Variants in CLCN7 observed in about 807,000 individuals in gnomAD.
CLCN7 encodes H(+)/Cl(-) exchange transporter 7.
In CLCN7, 60 loss-of-function variants were observed where a neutral mutation model predicts 102.1. The observed-to-expected ratio is 0.59, with a 90% CI of 0.48 to 0.73. CLCN7 has a LOEUF of 0.73. Ranked by LOEUF, CLCN7 falls within the 30% of genes least tolerant of loss-of-function variation. CLCN7 has a pLI of 0.00. For synonymous variants in CLCN7, 560 were observed against 490.5 expected (o/e 1.14, Z -1.87); for missense variants, 962 against 1,125.7 (o/e 0.85, Z 2.08).
intron 1 of CLCN7, chr16:1,471,996 G>C (rs2039085341): frequency 6.6e-6 from 1 of 152,620 alleles, no homozygotes; most frequent in South Asian, 2.1e-4. Flanking sequence ...CCTGCCTGAA[G>C]ATCTTGTGCT....
Position 1,448,741 on chromosome 16 carries a change from A to G in CLCN7, c.1823T>C (p.Leu608Pro), listed in dbSNP as rs752207159. ...CCAGTGCAGGAAGGGCACACTCTGC[A>G]GCTGAATGTGCATGTCGTACAGGCC... ...IEGLYDMHIQ[L>P]QSVPFLHWEA... The change falls in exon 20 of 25, where the codon CTG becomes CCG. Residue 608 changes from leucine (L) to proline (P), a missense_variant. Coordinates refer to ENST00000382745, the MANE Select transcript of CLCN7 (RefSeq NM_001287.6). The G allele has an allele frequency of 6.2e-7, 1 of 1,612,564 alleles. No homozygotes were observed. Among genetic ancestry groups the G allele is most frequent in the Non-Finnish European group, 8.5e-7 (1 of 1,179,946 alleles).
chr16:1,474,579 G>T (rs1003454514), intron 1 of CLCN7, among the ~76,000 whole-genome samples: 1 of 152,128 alleles, frequency 6.6e-6, no homozygotes, highest in Non-Finnish European at 1.5e-5. Context: ...CACATTCCGC[G>T]GGGTCTGGCG....
chr16:1,465,051 G>C (rs2038986145), intron 2 of CLCN7, among the ~76,000 whole-genome samples: 1 of 152,122 alleles, frequency 6.6e-6, no homozygotes, highest in East Asian at 1.9e-4. Context: ...GTCCTGACCG[G>C]CTTCCTGCGC....
In CLCN7 at chr16:1,459,390, G is replaced by A. The variant is rs79929432; in HGVS notation, c.595-203C>T. ...GGGCCCCAGGGAAGGGGAGAGCAGCGCACACGTCGGGGCCCCAGGGAAGGG... is the reference window on the plus strand; with the variant it reads ...GGGCCCCAGGGAAGGGGAGAGCAGCACACACGTCGGGGCCCCAGGGAAGGG... On this transcript the variant is annotated intron_variant, in intron 6 of 24. Transcript: ENST00000382745. The A allele has an allele frequency of 0.42, 154,434 of 366,564 alleles. 35,006 individuals are homozygous for A. Among genetic ancestry groups the A allele is most frequent in the Non-Finnish European group, 0.45 (94,461 of 208,398 alleles). The allele number at this position is 366,564 out of a possible 1,614,324, so 22.7% of individuals were successfully genotyped here.
intron 9 of CLCN7, among the ~76,000 whole-genome samples, chr16:1,456,482 G>A (rs930238058): frequency 6.6e-6 from 1 of 152,220 alleles, no homozygotes; most frequent in Non-Finnish European, 1.5e-5. Flanking sequence ...ACCCTCTAAC[G>A]AAAAGCGCAC....
At chr16:1,474,509 C>G (rs1485249698) in intron 1 of CLCN7, 2 of 320,236 alleles carry the variant, frequency 6.2e-6, no homozygotes, top group Admixed American at 5.0e-5. Context: ...TAGGGCCAGT[C>G]TGGGGGACAC....
intron 15 of CLCN7, 120 bp downstream of exon 15, chr16:1,452,635 C>T: frequency 9.4e-7 from 1 of 1,059,344 alleles, no homozygotes; most frequent in Non-Finnish European, 1.4e-6. Flanking sequence ...ACACGCCAGC[C>T]CATGCGCTTC....
Position 1,446,688 on chromosome 16 carries a change from G to T in CLCN7, c.2361C>A (p.Leu787=). The T allele has an allele frequency of 6.3e-7, 1 of 1,590,738 alleles. No homozygotes were observed. Among genetic ancestry groups the T allele is most frequent in the East Asian group, 2.3e-5 (1 of 43,440 alleles). Residue 787 remains leucine, a synonymous_variant, in exon 25 of 25, where the codon CTC becomes CTA. Coordinates refer to ENST00000382745, the MANE Select transcript of CLCN7 (RefSeq NM_001287.6). The part of the protein sequence containing the change: ...QVVGLVTRKD[L]ARYRLGKRGL... ...CTCTCTTTCCCAGGCGGTACCTGGC[G>T]AGGTCCTTCCTGGTCACCAACCCGA...
At position 1,455,197 on chromosome 16, in the gene CLCN7, G is replaced by C; in HGVS notation, c.1035C>G (p.Tyr345Ter). ...TFTLNFVLSI[Y>*]HGNMWDLSSP... ...TGGACAGGTCCCACATGTTCCCGTG[G>C]TAAATGCTCAGAACAAAATTCAGGG... is the stretch of plus-strand genomic sequence containing the variant. The change falls in exon 12 of 25, where the codon TAC becomes TAG. Residue 345 changes from tyrosine (Y) to a stop codon, truncating the protein, a stop_gained. Coordinates refer to ENST00000382745, the MANE Select transcript of CLCN7 (RefSeq NM_001287.6). LOFTEE classifies it high-confidence loss of function. The C allele has an allele frequency of 6.2e-7, 1 of 1,613,972 alleles. No homozygotes were observed. The highest frequency in any genetic ancestry group is 8.5e-7 in the Non-Finnish European group (1 of 1,179,932).
chr16:1,448,442 C>T lies in CLCN7; in HGVS notation c.1926G>A (p.Glu642=), dbSNP rs1428861859. ...GCACGTCCACAATGACGCCGACCTT[C>T]TCACGCCGCCTCAGGCAGGTCACTG... ...STPVTCLRRR[E]KVGVIVDVLS... Residue 642 remains glutamate (E), a synonymous_variant, in exon 21 of 25, where the codon GAG becomes GAA. Transcript: ENST00000382745. The T allele has an allele frequency of 3.1e-6, 5 of 1,611,934 alleles. No homozygotes were observed. The highest frequency in any genetic ancestry group is 4.2e-6 in the Non-Finnish European group (5 of 1,179,956).
Position 1,454,448 on chromosome 16 carries a change from G to A in CLCN7, c.1116C>T (p.Ile372=), listed in dbSNP as rs760666607. 2 of 1,613,722 alleles carry A rather than the reference G, an allele frequency of 1.2e-6. No individual in the cohort carries two copies. The highest frequency in any genetic ancestry group is 8.5e-7 in the Non-Finnish European group (1 of 1,179,998). ...RFDSEKMAYT[I]HEIPVFIAMG... Reference sequence around the variant, plus strand: ...TGGCGATGAAGACCGGGATCTCGTGGATCGTGTAGGCCATTTTCTGTGCAG... The same window carrying A: ...TGGCGATGAAGACCGGGATCTCGTGAATCGTGTAGGCCATTTTCTGTGCAG... The change falls in exon 13 of 25, where the codon ATC becomes ATT. Residue 372 remains isoleucine (I), a synonymous_variant. Transcript: ENST00000382745.
At chr16:1,460,554 G>T in intron 5 of CLCN7, 27 bp from the exon 6 acceptor site, 1 of 1,573,696 alleles carries the variant, frequency 6.4e-7, no homozygotes, top group South Asian at 1.1e-5. Context: ...AGGGCTGGCT[G>T]CTTCCCCGTC....
rs114599498 is a variant in CLCN7, at chr16:1,460,780, C to G, written c.484+36G>C. The G allele has an allele frequency of 1.5e-3, 2,353 of 1,613,636 alleles. 32 individuals carry two copies. In the African/African-American group the frequency reaches 0.026, roughly 18 times the overall value. ...CGGGACTCGGCCCAGGCCACGCCCC[C>G]CTCCCAAGCTGCAGCGGCCGCACTG... On this transcript the variant is annotated intron_variant, in intron 5 of 24. Coordinates refer to ENST00000382745, the MANE Select transcript of CLCN7 (RefSeq NM_001287.6).
At position 1,459,819 on chromosome 16, in the gene CLCN7, G is replaced by A. The variant is rs565038805; in HGVS notation, c.594+599C>T. ...GGAAGGGGAGAGCGGCACACACGTC[G>A]GGGCCTCAGGGAAGGGGAGCTCAGC... On this transcript the variant is annotated intron_variant, in intron 6 of 24. Coordinates refer to ENST00000382745, the MANE Select transcript of CLCN7 (RefSeq NM_001287.6). Among the ~76,000 whole-genome samples the A allele has an allele frequency of 1.1e-4, 13 of 114,654 alleles. No homozygotes were observed. In the East Asian group the frequency reaches 2.9e-3, roughly 25 times the overall value. The allele number at this position is 114,654 out of a possible 152,430, so 75.2% of individuals were successfully genotyped here.
Position 1,457,838 on chromosome 16 carries a change from C to G in CLCN7, c.676-82G>C. 1.4e-6 allele frequency: 2 copies of G among 1,393,764 alleles called. No individual in the cohort carries two copies. The highest frequency in any genetic ancestry group is 4.6e-5 in the East Asian group (2 of 43,410). The allele number at this position is 1,393,764 out of a possible 1,614,324, so 86.3% of individuals were successfully genotyped here. On this transcript the variant is annotated intron_variant, in intron 7 of 24. Coordinates refer to ENST00000382745, the MANE Select transcript of CLCN7 (RefSeq NM_001287.6). This position sits in a 1 kb window ranked among gnomAD's most constrained non-coding sequence, Gnocchi z 5.4. ...CTGAGCCGTAAAACAGCACACACAG[C>G]CCCGATCAGGCAGAGTGGCTGGGAC...
Position 1,446,389 on chromosome 16 carries a change from A to G in CLCN7, c.*242T>C. 1 of 702,346 alleles carries G rather than the reference A, an allele frequency of 1.4e-6. No homozygotes were observed. Among genetic ancestry groups the G allele is most frequent in the East Asian group, 2.7e-5 (1 of 37,290 alleles). The allele number at this position is 702,346 out of a possible 1,614,324, so 43.5% of individuals were successfully genotyped here. ...GATCCCTGGAGGTAAAGAAACCTAG[A>G]CGAGGAGAGTGGAGGCTGGGCCTGC... On this transcript the variant is annotated 3_prime_UTR_variant, in exon 25 of 25. Transcript: ENST00000382745.
intron 21 of CLCN7, among the ~76,000 whole-genome samples, chr16:1,448,041 T>C (rs964012470): frequency 6.6e-6 from 1 of 152,160 alleles, no homozygotes; most frequent in Non-Finnish European, 1.5e-5. Context: ...AGTGTCCACG[T>C]CTAAAAGACA....
At chr16:1,460,706 CG>C (rs931943906) in intron 5 of CLCN7, 109 bp downstream of exon 5, 39 of 1,538,760 alleles carry the variant, frequency 2.5e-5, no homozygotes, top group Non-Finnish European at 3.0e-5. Flanking sequence ...CCAGCCTGGC[CG>C]GGCCGCCTCC....
intron 7 of CLCN7, 87 bp downstream of exon 7, chr16:1,459,020 C>T: frequency 1.7e-6 from 2 of 1,192,676 alleles, no homozygotes. Flanking sequence ...GAGGCCAGTT[C>T]TGGAAGGCAG....
Sources: gnomAD v4.1 joint callset for allele counts (sites outside exome capture counted in the v4.1 genomes callset) on GRCh38, gnomAD v4.1.1 for gene constraint, Gnocchi (gnomAD v3.1) non-coding constraint, MANE v1.5 for transcripts, NCBI Gene and HGNC (gene_info 2026-07-23, HGNC 2026-07-21) for gene names.